The following SH3BGRL2 variants were observed in gnomAD, a reference collection of about 807,000 sequenced individuals.
The protein encoded by SH3BGRL2 is SH3 domain-binding glutamic acid-rich-like protein 2.
SH3BGRL2 carries 21 observed loss-of-function variants against 14.8 expected under a neutral mutation model. That is an observed-to-expected ratio of 1.42 (90% confidence interval 1.01 to 2.05). The LOEUF (loss-of-function observed/expected upper bound fraction) is 2.05. Ranked by LOEUF, SH3BGRL2 falls within the 30% of genes most tolerant of loss-of-function variation. SH3BGRL2 has a pLI of 0.00. For missense variants in SH3BGRL2, 147 were observed against 130.8 expected, an observed-to-expected ratio of 1.12 and a Z score of -0.61; for synonymous variants, 50 against 47.8, an observed-to-expected ratio of 1.05 and a Z score of -0.19.
At chr6:79,567,508 T>G in the SH3BGRL2 span, among the ~76,000 whole-genome samples, 3 of 152,172 alleles carry the variant, frequency 2.0e-5, no homozygotes, top group South Asian at 6.2e-4. Flanking sequence ...TTTACATATG[T>G]GAAAGAAGAC....
At chr6:79,621,537 A>G in the SH3BGRL2 span, among the ~76,000 whole-genome samples, 1 of 152,228 alleles carries the variant, frequency 6.6e-6, no homozygotes, top group Non-Finnish European at 1.5e-5. Flanking sequence ...TGTTGTTTAT[A>G]AGTTACCCAG....
chr6:79,637,238 T>A (rs1323430769), intron 1 of SH3BGRL2, among the ~76,000 whole-genome samples: 1 of 152,192 alleles, frequency 6.6e-6, no homozygotes, highest in Non-Finnish European at 1.5e-5. Flanking sequence ...GTGCTTTTAA[T>A]CCATTCTTCA....
chr6:79,633,417 A>G (rs1416452873), intron 1 of SH3BGRL2, among the ~76,000 whole-genome samples: 1 of 152,146 alleles, frequency 6.6e-6, no homozygotes, highest in Non-Finnish European at 1.5e-5. Flanking sequence ...TATTAGTCTC[A>G]AGGTAATAGG....
At chr6:79,553,697 T>G in the SH3BGRL2 span, among the ~76,000 whole-genome samples, 1 of 152,014 alleles carries the variant, frequency 6.6e-6, no homozygotes, top group Non-Finnish European at 1.5e-5. Context: ...CTGGGCCAGG[T>G]GTGGTGGCTC....
intron 2 of SH3BGRL2, among the ~76,000 whole-genome samples, chr6:79,687,232 A>G (rs1186156247): frequency 2.6e-5 from 4 of 151,996 alleles, no homozygotes; most frequent in East Asian, 1.9e-4. Context: ...CTGTTCTTCT[A>G]TTGGTTTGGG....
chr6:79,636,148 C>A (rs879568703), intron 1 of SH3BGRL2, among the ~76,000 whole-genome samples: 1 of 152,130 alleles, frequency 6.6e-6, no homozygotes, highest in Non-Finnish European at 1.5e-5. Flanking sequence ...TATTTATTCC[C>A]ATTTTCCAGA....
chr6:79,545,575 A>G, the SH3BGRL2 span, among the ~76,000 whole-genome samples: 1 of 152,244 alleles, frequency 6.6e-6, no homozygotes, highest in African/African-American at 2.4e-5. Context: ...AGATTCCAAC[A>G]GAAAAGAAAC....
At chr6:79,552,955 C>G in the SH3BGRL2 span, 1 of 152,094 alleles carries the variant, frequency 6.6e-6, no homozygotes, top group Non-Finnish European at 1.5e-5. Flanking sequence ...AGCATAAGAC[C>G]CTATGTCCTA....
At chr6:79,584,740 GAA>G in the SH3BGRL2 span, among the ~76,000 whole-genome samples, 1 of 152,156 alleles carries the variant, frequency 6.6e-6, no homozygotes, top group African/African-American at 2.4e-5. Flanking sequence ...TGTCAGATAA[GAA>G]AAATTTTAAG....
the SH3BGRL2 span, among the ~76,000 whole-genome samples, chr6:79,618,914 C>CAAAAA: frequency 7.9e-5 from 6 of 76,298 alleles, no homozygotes; most frequent in South Asian, 5.5e-4. Flanking sequence ...GAGACTCTGT[C>CAAAAA]AAAAAAAAAA....
At chr6:79,683,199 TA>T (rs904775635) in intron 2 of SH3BGRL2, among the ~76,000 whole-genome samples, 6 of 151,134 alleles carry the variant, frequency 4.0e-5, no homozygotes, top group South Asian at 4.2e-4. Context: ...AAGTATAATT[TA>T]AAAAAAAACA....
chr6:79,583,214 C>T, the SH3BGRL2 span, among the ~76,000 whole-genome samples: 2 of 152,140 alleles, frequency 1.3e-5, no homozygotes, highest in African/African-American at 2.4e-5. Flanking sequence ...CATTGTGGAA[C>T]ACAGTGTGGT....
At chr6:79,653,526 T>G (rs1270478122) in intron 1 of SH3BGRL2, among the ~76,000 whole-genome samples, 1 of 152,234 alleles carries the variant, frequency 6.6e-6, no homozygotes, top group Non-Finnish European at 1.5e-5. Flanking sequence ...GTAACTTTTG[T>G]GATTATTTGG....
the SH3BGRL2 span, among the ~76,000 whole-genome samples, chr6:79,581,702 T>G: frequency 6.6e-6 from 1 of 152,116 alleles, no homozygotes; most frequent in Non-Finnish European, 1.5e-5. Context: ...GGGCAAAAAC[T>G]GGAAGCATTC....
chr6:79,667,000 C>G (rs1047546318), intron 1 of SH3BGRL2, among the ~76,000 whole-genome samples: 1 of 152,228 alleles, frequency 6.6e-6, no homozygotes, highest in Non-Finnish European at 1.5e-5. Context: ...GTGCCCATTA[C>G]TGCTTAGGCC....
Position 79,701,967 on chromosome 6 carries a change from G to A in SH3BGRL2, c.*2458G>A, listed in dbSNP as rs1770467103. The A allele has an allele frequency of 6.6e-6, 1 of 152,584 alleles. No individual in the cohort carries two copies. The highest frequency in any genetic ancestry group is 2.1e-4 in the South Asian group (1 of 4,818). The allele number at this position is 152,584 out of a possible 1,614,324, so 9.5% of individuals were successfully genotyped here. A position where few individuals can be genotyped will look rare whatever the true frequency, so the allele number is the denominator to read the frequency against. On this transcript the variant is annotated 3_prime_UTR_variant, in exon 4 of 4. Transcript: ENST00000369838. Reference sequence around the variant, plus strand: ...CAAGACAGAATTTTTATTTCCTGTAGTAGGCTTGCTGGAGCAAAGGAAATG... The same window carrying A: ...CAAGACAGAATTTTTATTTCCTGTAATAGGCTTGCTGGAGCAAAGGAAATG...
chr6:79,621,195 A>G, the SH3BGRL2 span, among the ~76,000 whole-genome samples: 15 of 152,162 alleles, frequency 9.9e-5, no homozygotes, highest in Non-Finnish European at 1.5e-4. Flanking sequence ...CACTATCTCA[A>G]TTTTGCTGAT....
intron 1 of SH3BGRL2, among the ~76,000 whole-genome samples, chr6:79,658,988 TG>T (rs1464658854): frequency 6.6e-6 from 1 of 152,198 alleles, no homozygotes; most frequent in Non-Finnish European, 1.5e-5. Flanking sequence ...TTGATGGGGT[TG>T]TTTTTTTCTT....
At chr6:79,585,486 ATG>A in the SH3BGRL2 span, among the ~76,000 whole-genome samples, 1 of 152,172 alleles carries the variant, frequency 6.6e-6, no homozygotes, top group Non-Finnish European at 1.5e-5. Flanking sequence ...AAAGTTGCTG[ATG>A]TGTTGTTTTC....
Sources: gnomAD v4.1 joint callset for allele counts (sites outside exome capture counted in the v4.1 genomes callset) on GRCh38, gnomAD v4.1.1 for gene constraint, MANE v1.5 for transcripts, NCBI Gene and HGNC (gene_info 2026-07-23, HGNC 2026-07-21) for gene names.